MYO18B: variants seen among roughly 807,000 people sequenced by gnomAD.
The protein encoded by MYO18B is myosin XVIIIB.
MYO18B carries 204 observed loss-of-function variants against 273.0 expected under a neutral mutation model. The ratio of observed to expected loss-of-function variants is 0.75; its 90% confidence interval spans 0.67 to 0.84. The LOEUF is 0.84. MYO18B is among the 40% of genes least tolerant of loss of function. The probability of loss-of-function intolerance (pLI) is 0.00; values close to 1 mark genes in which losing one functional copy is unlikely to be tolerated. For synonymous variants in MYO18B, 1,330 were observed against 1,305.7 expected (o/e 1.02, Z -0.40); for missense variants, 3,212 against 3,287.6 (o/e 0.98, Z 0.56).
At chr22:25,836,174 G>A (rs1020812174) in intron 17 of MYO18B, among the ~76,000 whole-genome samples, 1 of 152,198 alleles carries the variant, frequency 6.6e-6, no homozygotes, top group African/African-American at 2.4e-5. Context: ...AAGTGATCAT[G>A]AGATTTGGTA....
intron 24 of MYO18B, among the ~76,000 whole-genome samples, chr22:25,876,672 A>G (rs2091209225): frequency 1.3e-5 from 2 of 151,858 alleles, no homozygotes; most frequent in African/African-American, 2.4e-5. Flanking sequence ...TACCTCTCAG[A>G]CAACACTCTT....
chr22:25,825,314 G>T (rs1210847092), intron 13 of MYO18B, among the ~76,000 whole-genome samples: 1 of 152,154 alleles, frequency 6.6e-6, no homozygotes, highest in Non-Finnish European at 1.5e-5. Context: ...AGGAGGGGTG[G>T]GAAATGCTTT....
intron 33 of MYO18B, among the ~76,000 whole-genome samples, chr22:25,912,414 A>G (rs1473784248): frequency 1.3e-5 from 2 of 152,214 alleles, no homozygotes; most frequent in Non-Finnish European, 2.9e-5. Context: ...GTCTGAGAAA[A>G]CAGAATAGAT....
At chr22:25,851,390 T>G in intron 20 of MYO18B, 80 bp from the exon 21 acceptor site, 1 of 935,154 alleles carries the variant, frequency 1.1e-6, no homozygotes, top group Non-Finnish European at 1.7e-6. Flanking sequence ...CCTGCACTCC[T>G]GTCTAGGGGT....
chr22:25,809,125 T>C (rs1469661855), intron 12 of MYO18B, among the ~76,000 whole-genome samples: 1 of 152,116 alleles, frequency 6.6e-6, no homozygotes, highest in East Asian at 1.9e-4. Flanking sequence ...GTATTTTTAG[T>C]AGAGATGGGG....
Position 25,870,825 on chromosome 22 carries a change from A to C in MYO18B, c.3951+2440A>C, listed in dbSNP as rs867754597. On this transcript the variant is annotated intron_variant, in intron 22 of 43. Coordinates refer to ENST00000335473, the MANE Select transcript of MYO18B (RefSeq NM_032608.7). ...TGATTCCAATGCACTCTCAAGTCTG[A>C]GAACCACTGGTCTAGATAATGACTC... Among the ~76,000 whole-genome samples, 7 of 152,326 alleles carry C rather than the reference A, an allele frequency of 4.6e-5. 1 individual carries two copies. The Middle Eastern group carries it at 0.014, about 296-fold the overall frequency.
chr22:25,856,284 C>T (rs900492857), intron 21 of MYO18B, among the ~76,000 whole-genome samples: 5 of 152,140 alleles, frequency 3.3e-5, no homozygotes, highest in South Asian at 2.1e-4. Flanking sequence ...GCATTTTCCT[C>T]ATGATTAGGG....
At chr22:25,840,889 C>T (rs1331960680) in intron 17 of MYO18B, among the ~76,000 whole-genome samples, 1 of 152,196 alleles carries the variant, frequency 6.6e-6, no homozygotes, top group African/African-American at 2.4e-5. Flanking sequence ...GGGAGAGACT[C>T]TGTCCATATC....
At chr22:26,018,886 G>A (rs960115062) in intron 42 of MYO18B, among the ~76,000 whole-genome samples, 11 of 152,264 alleles carry the variant, frequency 7.2e-5, no homozygotes, top group African/African-American at 2.4e-4. Context: ...AACCTGGGAG[G>A]TAGAGGTTGC....
intron 36 of MYO18B, among the ~76,000 whole-genome samples, chr22:25,948,865 G>A (rs2092759463): frequency 6.6e-6 from 1 of 152,082 alleles, no homozygotes; most frequent in Admixed American, 6.5e-5. Flanking sequence ...GGGCTTCCCA[G>A]AGTAGGTGTC....
At chr22:25,876,630 CTTTATTTA>C (rs149628857) in intron 24 of MYO18B, among the ~76,000 whole-genome samples, 17 of 149,624 alleles carry the variant, frequency 1.1e-4, no homozygotes, top group Middle Eastern at 3.4e-3. Context: ...TCTTTGAGTC[CTTTATTTA>C]TTTATTTATT....
intron 17 of MYO18B, 38 bp from the exon 18 acceptor site, chr22:25,843,697 A>G: frequency 6.3e-7 from 1 of 1,589,066 alleles, no homozygotes; most frequent in Non-Finnish European, 8.6e-7. Flanking sequence ...AGTGTCCTCA[A>G]CAGGCTCCAG....
intron 9 of MYO18B, among the ~76,000 whole-genome samples, chr22:25,781,172 T>C (rs1007540550): frequency 2.0e-5 from 3 of 152,250 alleles, no homozygotes; most frequent in African/African-American, 4.8e-5. Context: ...TTGATTGTTA[T>C]TACCTTTGAT....
intron 42 of MYO18B, among the ~76,000 whole-genome samples, chr22:26,013,269 G>C (rs947456658): frequency 2.6e-5 from 4 of 152,146 alleles, no homozygotes; most frequent in Non-Finnish European, 5.9e-5. Context: ...TGGCTGTCAT[G>C]CTACTGGCAT....
the MYO18B span, among the ~76,000 whole-genome samples, chr22:26,051,785 T>TA: frequency 4.4e-3 from 665 of 152,372 alleles, 3 homozygotes; most frequent in African/African-American, 0.015. Flanking sequence ...TTTTTAAAGG[T>TA]ATGTGTCTTA....
At chr22:25,960,060 A>G (rs1034718580) in intron 39 of MYO18B, among the ~76,000 whole-genome samples, 4 of 152,170 alleles carry the variant, frequency 2.6e-5, no homozygotes, top group Non-Finnish European at 5.9e-5. Flanking sequence ...TTGCATGTGA[A>G]TGATTTATAC....
In MYO18B at chr22:26,023,503, TCCC is replaced by T. The variant is rs1340879712; in HGVS notation, c.6471-2941_6471-2939del. Among the ~76,000 whole-genome samples, 544 of 150,888 alleles carry T rather than the reference TCCC, an allele frequency of 3.6e-3. 5 individuals are homozygous for T. Among genetic ancestry groups the T allele is most frequent in the African/African-American group, 0.013 (523 of 41,024 alleles). On this transcript the variant is annotated intron_variant, in intron 42 of 43. Transcript: ENST00000335473. Reference sequence around the variant, plus strand: ...CTCCTCCTCCTCCTCCTCTACCTCCTCCCTCCTCCTCCCTCCTCCTCTTCCTCC... The same window carrying T: ...CTCCTCCTCCTCCTCCTCTACCTCCTTCCTCCTCCCTCCTCCTCTTCCTCC...
At chr22:25,816,889 C>A (rs1325291557) in intron 12 of MYO18B, among the ~76,000 whole-genome samples, 7 of 152,206 alleles carry the variant, frequency 4.6e-5, no homozygotes, top group Non-Finnish European at 1.0e-4. Context: ...GAATTGTAAA[C>A]CTCTGTGTGA....
At chr22:25,936,372 AG>A (rs1465387134) in intron 34 of MYO18B, among the ~76,000 whole-genome samples, 3 of 152,306 alleles carry the variant, frequency 2.0e-5, no homozygotes, top group Admixed American at 2.0e-4. Context: ...GAACCCTCAA[AG>A]AAATAGACTT....
Sources: allele counts gnomAD v4.1 joint callset (sites outside exome capture counted in the v4.1 genomes callset), GRCh38; gene constraint gnomAD v4.1.1; transcripts MANE v1.5; gene names NCBI Gene and HGNC (gene_info 2026-07-23, HGNC 2026-07-21).